The following MAP3K5 variants were observed in gnomAD, a reference collection of about 807,000 sequenced individuals.
MAP3K5 encodes the protein ASK-1.
A neutral mutation model predicts 158.7 loss-of-function variants in MAP3K5; 56 were observed. The observed-to-expected ratio is 0.35, with a 90% CI of 0.28 to 0.44. The LOEUF (loss-of-function observed/expected upper bound fraction) is 0.44, where lower values mean the gene tolerates loss of function less well. Among genes scored for constraint, MAP3K5 ranks in the 20% least tolerant of loss-of-function variants. The pLI is 1.00. For synonymous variants in MAP3K5, 579 were observed against 601.7 expected (o/e 0.96, Z 0.55); for missense variants, 1,294 against 1,674.8 (o/e 0.77, Z 3.97).
intron 7 of MAP3K5, among the ~76,000 whole-genome samples, chr6:136,672,773 T>G (rs1779538594): frequency 6.6e-6 from 1 of 151,998 alleles, no homozygotes; most frequent in African/African-American, 2.4e-5. Context: ...GCGGATCACT[T>G]GAGGTCAGTA....
At chr6:136,728,217 T>C (rs9385772) in intron 1 of MAP3K5, among the ~76,000 whole-genome samples, 56,586 of 151,800 alleles carry the variant, frequency 0.37, 12,202 homozygotes, top group Middle Eastern at 0.5. Context: ...GTCTGTGGGG[T>C]TTTTAAATTG....
chr6:136,698,163 T>C (rs191202798), intron 4 of MAP3K5, among the ~76,000 whole-genome samples: 1 of 152,232 alleles, frequency 6.6e-6, no homozygotes, highest in African/African-American at 2.4e-5. Context: ...TTAATTAAAG[T>C]TGAATTGTTC....
intron 19 of MAP3K5, among the ~76,000 whole-genome samples, chr6:136,604,560 G>A (rs2129087116): frequency 6.6e-6 from 1 of 152,200 alleles, no homozygotes; most frequent in East Asian, 1.9e-4. Context: ...AGGGATTCAA[G>A]ATGCAGGTCA....
At chr6:136,558,196 G>A (rs1262804053) in intron 29 of MAP3K5, among the ~76,000 whole-genome samples, 4 of 152,162 alleles carry the variant, frequency 2.6e-5, no homozygotes, top group Non-Finnish European at 5.9e-5. Context: ...GGCTAACACA[G>A]TGAAACCCCG....
At chr6:136,604,358 A>G (rs1304684497) in intron 19 of MAP3K5, among the ~76,000 whole-genome samples, 1 of 151,452 alleles carries the variant, frequency 6.6e-6, no homozygotes, top group Non-Finnish European at 1.5e-5. Flanking sequence ...AGAAAAAAAG[A>G]AAAAAAAAGA....
At chr6:136,715,728 T>C (rs1250570410) in intron 2 of MAP3K5, among the ~76,000 whole-genome samples, 1 of 152,090 alleles carries the variant, frequency 6.6e-6, no homozygotes, top group Non-Finnish European at 1.5e-5. Context: ...CTCTATAATA[T>C]TCCATTAAAT....
intron 25 of MAP3K5, among the ~76,000 whole-genome samples, chr6:136,577,833 A>C (rs528162766): frequency 6.6e-6 from 1 of 152,352 alleles, no homozygotes; most frequent in East Asian, 1.9e-4. Flanking sequence ...CATTGGTATA[A>C]ACTATTAACT....
At chr6:136,583,323 A>C (rs759112046) in intron 24 of MAP3K5, among the ~76,000 whole-genome samples, 19 of 152,196 alleles carry the variant, frequency 1.2e-4, no homozygotes, top group Non-Finnish European at 2.2e-4. Flanking sequence ...ATATTTTGTT[A>C]TTTTCCATGG....
intron 7 of MAP3K5, among the ~76,000 whole-genome samples, chr6:136,678,290 G>A (rs1284914994): frequency 1.3e-5 from 2 of 152,014 alleles, no homozygotes; most frequent in Non-Finnish European, 2.9e-5. Context: ...AACAGATGCT[G>A]ATATATTCTA....
chr6:136,790,202 A>G (rs997405468), intron 1 of MAP3K5, among the ~76,000 whole-genome samples: 4 of 152,176 alleles, frequency 2.6e-5, no homozygotes, highest in Non-Finnish European at 4.4e-5. Context: ...CAGAGACAGT[A>G]TTTGGAGAAT....
At chr6:136,748,682 C>T (rs1462193403) in intron 1 of MAP3K5, among the ~76,000 whole-genome samples, 1 of 151,968 alleles carries the variant, frequency 6.6e-6, no homozygotes, top group African/African-American at 2.4e-5. Flanking sequence ...CAATAAGATA[C>T]CTTAGAAATA....
At chr6:136,709,426 TA>T (rs1270383377) in intron 2 of MAP3K5, among the ~76,000 whole-genome samples, 1 of 152,112 alleles carries the variant, frequency 6.6e-6, no homozygotes, top group Non-Finnish European at 1.5e-5. Context: ...TGCTTTTGCC[TA>T]AAGGGCTCTC....
Position 136,580,278 on chromosome 6 carries a change from C to A in MAP3K5, c.3517+23G>T, listed in dbSNP as rs138962815. On this transcript the variant is annotated intron_variant, in intron 25 of 29. Transcript: ENST00000359015. Reference sequence around the variant, plus strand: ...AAAATATCCAAGCACTAAATATGTGCAGAGTAATTAAATATCTCTGACCTG... The same window carrying A: ...AAAATATCCAAGCACTAAATATGTGAAGAGTAATTAAATATCTCTGACCTG... 2.1e-6 allele frequency: 3 copies of A among 1,446,932 alleles called. No individual in the cohort carries two copies. The African/African-American group carries it at 4.2e-5, about 20-fold the overall frequency. The allele number at this position is 1,446,932 out of a possible 1,614,324, so 89.6% of individuals were successfully genotyped here. A position where few individuals can be genotyped will look rare whatever the true frequency, so the allele number is the denominator to read the frequency against.
intron 1 of MAP3K5, among the ~76,000 whole-genome samples, chr6:136,754,646 C>T (rs1427771541): frequency 2.6e-5 from 4 of 152,000 alleles, no homozygotes; most frequent in African/African-American, 9.7e-5. Flanking sequence ...GGCTCCCCCA[C>T]CCTATGCTTA....
Position 136,698,520 on chromosome 6 carries a change from G to T in MAP3K5, c.775C>A (p.Gln259Lys). 6.2e-7 allele frequency: 1 copy of T among 1,613,884 alleles called. No individual in the cohort carries two copies. Among genetic ancestry groups the T allele is most frequent in the African/African-American group, 1.3e-5 (1 of 75,046 alleles). Residue 259 changes from glutamine (Q) to lysine (K), a missense_variant, in exon 4 of 30, where the codon CAA becomes AAA. Around this residue, in one of 5 missense-constraint regions of MAP3K5, gnomAD observed 690 missense variants for 870.5 expected, o/e 0.79. Coordinates refer to ENST00000359015, the MANE Select transcript of MAP3K5 (RefSeq NM_005923.4). ...ICLPLVDRFI[Q>K]LLKVAQASSS... The stretch of plus-strand genomic sequence containing the variant: ...CTTGCTTGTGCCACCTTCAAAAGTT[G>T]AATAAAACGATCCACAAGAGGTAAG...
chr6:136,603,510 T>C (rs972511843), intron 19 of MAP3K5, among the ~76,000 whole-genome samples: 1 of 151,966 alleles, frequency 6.6e-6, no homozygotes, highest in African/African-American at 2.4e-5. Flanking sequence ...ATTTTATAGA[T>C]GAGGAAACTG....
intron 1 of MAP3K5, among the ~76,000 whole-genome samples, chr6:136,727,568 A>G (rs1782019734): frequency 6.6e-6 from 1 of 152,246 alleles, no homozygotes; most frequent in Non-Finnish European, 1.5e-5. Flanking sequence ...ATCAAATCAT[A>G]CCAGTCTTAT....
In MAP3K5 at chr6:136,791,823, G is replaced by A; in HGVS notation, c.335C>T (p.Ala112Val). ...GCACGCCTCCCGCAAGCTCTGCAGG[G>A]CCTCGCTCTCGGCCACCACCAGTTG... Reference protein sequence around the residue: ...QGQLVVAESEALQSLREACET... With the variant: ...QGQLVVAESEVLQSLREACET... Residue 112 changes from alanine (A) to valine (V), a missense_variant, in exon 1 of 30, where the codon GCC becomes GTC. Physicochemically the swap from Ala to Val is moderately conservative, Grantham distance 64. Coordinates refer to ENST00000359015, the MANE Select transcript of MAP3K5 (RefSeq NM_005923.4). 1.2e-6 allele frequency: 2 copies of A among 1,613,812 alleles called. No individual in the cohort carries two copies. The highest frequency in any genetic ancestry group is 1.7e-6 in the Non-Finnish European group (2 of 1,180,012).
intron 15 of MAP3K5, among the ~76,000 whole-genome samples, chr6:136,621,868 C>T (rs369624976): frequency 5.3e-4 from 80 of 152,234 alleles, no homozygotes; most frequent in African/African-American, 1.6e-3. Context: ...GGGCGGATCA[C>T]GAGGTCAGGA....
Sources: allele counts gnomAD v4.1 joint callset (sites outside exome capture counted in the v4.1 genomes callset), GRCh38; gene constraint gnomAD v4.1.1; regional missense constraint gnomAD v4.1.1; transcripts MANE v1.5; gene names NCBI Gene and HGNC (gene_info 2026-07-23, HGNC 2026-07-21).